EPHA6: variants seen among roughly 807,000 people sequenced by gnomAD.
EPHA6 encodes ephrin type-A receptor 6.
Under a neutral mutation model 112.0 loss-of-function variants are expected in EPHA6, and 50 were observed. The ratio of observed to expected loss-of-function variants is 0.45; its 90% CI spans 0.36 to 0.56. EPHA6 has a LOEUF of 0.56. Ranked by LOEUF, EPHA6 falls within the 20% of genes least tolerant of loss-of-function variation. The probability of loss-of-function intolerance (pLI) is 0.00; values close to 1 mark genes in which losing one functional copy is unlikely to be tolerated. For missense variants in EPHA6, 1,280 were observed against 1,417.4 expected (o/e 0.90, Z 1.56); for synonymous variants, 529 against 490.7 (o/e 1.08, Z -1.03).
chr3:97,041,546 G>A (rs1383495214), intron 3 of EPHA6, among the ~76,000 whole-genome samples: 4 of 152,082 alleles, frequency 2.6e-5, no homozygotes, highest in African/African-American at 9.7e-5. Context: ...ATGTTTGACT[G>A]TATTTCAATC....
chr3:97,488,568 T>A (rs1365753059), intron 10 of EPHA6, among the ~76,000 whole-genome samples: 1 of 152,218 alleles, frequency 6.6e-6, no homozygotes, highest in Non-Finnish European at 1.5e-5. Flanking sequence ...AGAAACTGTA[T>A]TTTTGTTTGT....
At chr3:97,606,716 G>T (rs2093682681) in intron 12 of EPHA6, among the ~76,000 whole-genome samples, 1 of 151,220 alleles carries the variant, frequency 6.6e-6, no homozygotes, top group Non-Finnish European at 1.5e-5. Context: ...GTATAACTGT[G>T]TTCAAATGGC....
intron 7 of EPHA6, among the ~76,000 whole-genome samples, chr3:97,460,318 C>T (rs368684960): frequency 7.1e-4 from 108 of 152,264 alleles, no homozygotes; most frequent in African/African-American, 2.2e-3. Context: ...CTAAGGATGG[C>T]AATGTAGTTG....
At chr3:97,191,952 C>T (rs1178693808) in intron 3 of EPHA6, among the ~76,000 whole-genome samples, 1 of 152,112 alleles carries the variant, frequency 6.6e-6, no homozygotes, top group African/African-American at 2.4e-5. Context: ...CCTGCAAGAG[C>T]ATATGAAGAT....
chr3:97,572,147 C>CTTTTTTTT (rs869271956), intron 11 of EPHA6, among the ~76,000 whole-genome samples: 1 of 128,364 alleles, frequency 7.8e-6, no homozygotes. Context: ...ATCTCTTTTC[C>CTTTTTTTT]TTTTTTTTTT....
intron 5 of EPHA6, among the ~76,000 whole-genome samples, chr3:97,248,468 C>A (rs926957187): frequency 2.0e-5 from 3 of 151,964 alleles, no homozygotes; most frequent in African/African-American, 7.2e-5. Flanking sequence ...CATGGATAGT[C>A]GACCCAAAAC....
At chr3:97,624,287 A>G (rs2093837243) in intron 13 of EPHA6, among the ~76,000 whole-genome samples, 1 of 151,648 alleles carries the variant, frequency 6.6e-6, no homozygotes, top group Admixed American at 6.6e-5. Context: ...TTCTTCACCA[A>G]TTTAGATCAT....
intron 14 of EPHA6, among the ~76,000 whole-genome samples, chr3:97,642,602 G>T (rs941247835): frequency 4.6e-5 from 7 of 152,088 alleles, no homozygotes; most frequent in Admixed American, 3.3e-4. Flanking sequence ...TAAAGGAGCT[G>T]ATGGGGCTGA....
intron 5 of EPHA6, among the ~76,000 whole-genome samples, chr3:97,306,237 T>C (rs1253867700): frequency 6.6e-6 from 1 of 151,040 alleles, no homozygotes; most frequent in African/African-American, 2.4e-5. Flanking sequence ...TTTATATAAA[T>C]TATCAGTGCA....
At chr3:97,117,891 A>G (rs2047936892) in intron 3 of EPHA6, among the ~76,000 whole-genome samples, 1 of 152,004 alleles carries the variant, frequency 6.6e-6, no homozygotes, top group Non-Finnish European at 1.5e-5. Context: ...TATTTCTTAT[A>G]TGTGGTAGTT....
chr3:96,875,464 G>A (rs189764708), intron 2 of EPHA6, among the ~76,000 whole-genome samples: 2 of 152,142 alleles, frequency 1.3e-5, no homozygotes, highest in East Asian at 3.9e-4. Flanking sequence ...ATGTATTGCT[G>A]CCTCATTTTT....
chr3:96,846,575 A>G (rs2035085271), intron 1 of EPHA6, among the ~76,000 whole-genome samples: 1 of 152,078 alleles, frequency 6.6e-6, no homozygotes, highest in Non-Finnish European at 1.5e-5. Flanking sequence ...TTAAATCATT[A>G]AGTAATTTTG....
intron 3 of EPHA6, among the ~76,000 whole-genome samples, chr3:97,148,882 C>T (rs973457404): frequency 1.3e-5 from 2 of 152,110 alleles, no homozygotes; most frequent in South Asian, 2.1e-4. Context: ...GGCAAGCATA[C>T]GTTTGTTTCT....
At chr3:97,406,448 A>T (rs1348721041) in intron 6 of EPHA6, among the ~76,000 whole-genome samples, 1 of 151,902 alleles carries the variant, frequency 6.6e-6, no homozygotes, top group East Asian at 1.9e-4. Context: ...GCAATATGAA[A>T]CCCACTCCCA....
At chr3:97,396,174 C>A (rs1394284203) in intron 5 of EPHA6, among the ~76,000 whole-genome samples, 2 of 151,356 alleles carry the variant, frequency 1.3e-5, no homozygotes, top group Non-Finnish European at 3.0e-5. Flanking sequence ...TATTTTGTAG[C>A]ATTCAATATT....
At chr3:97,099,597 G>A (rs765142572) in intron 3 of EPHA6, among the ~76,000 whole-genome samples, 3 of 151,738 alleles carry the variant, frequency 2.0e-5, no homozygotes, top group African/African-American at 4.8e-5. Flanking sequence ...TCTTATCGCC[G>A]AGTGGGATCA....
chr3:96,839,209 C>T lies in EPHA6; in HGVS notation c.385+24201C>T, dbSNP rs997300173. Among the ~76,000 whole-genome samples, 9 of 152,152 alleles carry T rather than the reference C, an allele frequency of 5.9e-5. No individual in the cohort carries two copies. In the South Asian group the frequency reaches 6.2e-4, roughly 11 times the overall value. ...TACTAGTTCATGGCTTTCTAGGAAC[C>T]GGGCTGCATAGCAGGAGGTGAGCAT... On this transcript the variant is annotated intron_variant, in intron 1 of 17. Coordinates refer to ENST00000389672, the MANE Select transcript of EPHA6 (RefSeq NM_001080448.3).
At position 97,403,742 on chromosome 3, in the gene EPHA6, G is replaced by A. The variant is rs564027547; in HGVS notation, c.1607-1408G>A. On this transcript the variant is annotated intron_variant, in intron 5 of 17. Transcript: ENST00000389672. ...ATTACAGGCGTGAGCCACCGCGCCC[G>A]GCCTTTTAAAGTTATTTTTAATCAT... 8.5e-5 allele frequency among the ~76,000 whole-genome samples: 13 copies of A among 152,226 alleles called. No homozygotes were observed. In the East Asian group the frequency reaches 1.2e-3, roughly 14 times the overall value.
chr3:97,548,973 G>A (rs534754965), intron 11 of EPHA6, among the ~76,000 whole-genome samples: 1 of 152,162 alleles, frequency 6.6e-6, no homozygotes. Flanking sequence ...CTAATATAGT[G>A]CAAAGTATTA....
Sources: allele counts gnomAD v4.1 joint callset (sites outside exome capture counted in the v4.1 genomes callset), GRCh38; gene constraint gnomAD v4.1.1; transcripts MANE v1.5; gene names NCBI Gene and HGNC (gene_info 2026-07-23, HGNC 2026-07-21).